SUGCT: variants seen among roughly 807,000 people sequenced by gnomAD.
The protein encoded by SUGCT is succinyl-CoA:glutarate CoA-transferase.
A neutral mutation model predicts 55.0 loss-of-function variants in SUGCT; 41 were observed. That is an observed-to-expected ratio of 0.74 (90% CI 0.58 to 0.97). SUGCT has a LOEUF of 0.97. Among genes scored for constraint, SUGCT ranks in the 50% least tolerant of loss-of-function variants. The pLI is 0.00. For synonymous variants in SUGCT, 187 were observed against 200.4 expected, an observed-to-expected ratio of 0.93 and a Z score of 0.56; for missense variants, 568 against 547.8, an observed-to-expected ratio of 1.04 and a Z score of -0.37.
chr7:40,906,748 C>T, the SUGCT span, among the ~76,000 whole-genome samples: 16 of 152,120 alleles, frequency 1.1e-4, no homozygotes, highest in African/African-American at 3.4e-4. Context: ...GTCCTGGAAC[C>T]GATATCCCAT....
intron 9 of SUGCT, among the ~76,000 whole-genome samples, chr7:40,439,063 TG>T (rs1788338379): frequency 7.1e-5 from 1 of 14,142 alleles, no homozygotes; most frequent in South Asian, 1.5e-3. Context: ...ATATATATGG[TG>T]TATATATATA....
intron 9 of SUGCT, among the ~76,000 whole-genome samples, chr7:40,353,673 A>G (rs1209324982): frequency 6.6e-6 from 1 of 152,200 alleles, no homozygotes; most frequent in Non-Finnish European, 1.5e-5. Flanking sequence ...TCTTAAAAAA[A>G]CCATATAGAT....
chr7:40,485,656 A>ATCC (rs1194896522), intron 11 of SUGCT, among the ~76,000 whole-genome samples: 1 of 151,864 alleles, frequency 6.6e-6, no homozygotes, highest in Non-Finnish European at 1.5e-5. Context: ...AGCTCAAGGG[A>ATCC]TCCTCTTGCC....
intron 12 of SUGCT, among the ~76,000 whole-genome samples, chr7:40,727,038 T>C (rs1438020683): frequency 6.6e-6 from 1 of 152,234 alleles, no homozygotes; most frequent in African/African-American, 2.4e-5. Context: ...CCATGGGCTG[T>C]CAAATAATGA....
intron 9 of SUGCT, among the ~76,000 whole-genome samples, chr7:40,355,170 C>T (rs1053263474): frequency 1.3e-5 from 2 of 152,138 alleles, no homozygotes; most frequent in Non-Finnish European, 2.9e-5. Context: ...ACTTGAAATT[C>T]CTGGATTCTT....
chr7:40,979,796 C>T, the SUGCT span: 22 of 152,002 alleles, frequency 1.4e-4, no homozygotes, highest in Middle Eastern at 3.4e-3. Context: ...AAAAATATAC[C>T]CTAAAAGAGG....
intron 12 of SUGCT, among the ~76,000 whole-genome samples, chr7:40,700,176 G>T (rs532831938): frequency 6.6e-6 from 1 of 152,236 alleles, no homozygotes; most frequent in South Asian, 2.1e-4. Flanking sequence ...CTCTTAAGAT[G>T]CTTGGAACCT....
At chr7:40,499,059 G>T in intron 12 of SUGCT, 1 of 456,526 alleles carries the variant, frequency 2.2e-6, no homozygotes, top group Non-Finnish European at 4.4e-6. Flanking sequence ...AGAGTTTCTT[G>T]GCGCTTGGTG....
chr7:40,408,100 A>ATT (rs1786479932), intron 9 of SUGCT, among the ~76,000 whole-genome samples: 1 of 152,106 alleles, frequency 6.6e-6, no homozygotes, highest in Non-Finnish European at 1.5e-5. Flanking sequence ...TTTAAAAGAC[A>ATT]GTATTGCTAG....
the SUGCT span, among the ~76,000 whole-genome samples, chr7:40,944,778 G>GA: frequency 0.89 from 135,802 of 152,088 alleles, 60,889 homozygotes; most frequent in African/African-American, 0.97. Flanking sequence ...CACAGAATTG[G>GA]AAAAAACTAC....
chr7:40,237,894 A>G (rs1789117500), intron 7 of SUGCT, among the ~76,000 whole-genome samples, 168 bp downstream of exon 7: 1 of 152,218 alleles, frequency 6.6e-6, no homozygotes, highest in Admixed American at 6.5e-5. Flanking sequence ...GGGAAAGTGA[A>G]TGCTTATGAA....
Position 40,670,929 on chromosome 7 carries a change from G to A in SUGCT, c.1090-78505G>A, listed in dbSNP as rs959434083. Among the ~76,000 whole-genome samples the A allele has an allele frequency of 7.9e-5, 12 of 152,048 alleles. 1 individual carries two copies. Among genetic ancestry groups the A allele is most frequent in the Non-Finnish European group, 1.6e-4 (11 of 68,002 alleles). ...GCACTTCCAGTTCATTTTATGAACA[G>A]ACAAGGCAGTACACAAAAGAAAGCT... is the stretch of plus-strand genomic sequence containing the variant. On this transcript the variant is annotated intron_variant, in intron 12 of 13. Coordinates refer to ENST00000335693, the MANE Select transcript of SUGCT (RefSeq NM_001193313.2).
At chr7:40,976,979 C>G in the SUGCT span, among the ~76,000 whole-genome samples, 1 of 152,116 alleles carries the variant, frequency 6.6e-6, no homozygotes, top group Non-Finnish European at 1.5e-5. Context: ...TCTGAATGAC[C>G]AATTCTGGTT....
intron 13 of SUGCT, among the ~76,000 whole-genome samples, chr7:40,814,254 A>G (rs78107670): frequency 0.015 from 2,264 of 152,220 alleles, 142 homozygotes; most frequent in East Asian, 0.096. Context: ...CTCTAGCAAG[A>G]TAAGGGAAAT....
At chr7:40,970,195 G>A in the SUGCT span, among the ~76,000 whole-genome samples, 4 of 151,806 alleles carry the variant, frequency 2.6e-5, no homozygotes, top group Admixed American at 6.6e-5. Flanking sequence ...TTTCTGAGAC[G>A]GAGTCTCGCT....
intron 13 of SUGCT, among the ~76,000 whole-genome samples, chr7:40,829,829 A>T (rs893175087): frequency 2.0e-5 from 3 of 152,018 alleles, no homozygotes; most frequent in African/African-American, 7.2e-5. Context: ...ACCCTTCCCT[A>T]GCTCCAGGGC....
At chr7:40,722,483 A>T (rs1408065138) in intron 12 of SUGCT, among the ~76,000 whole-genome samples, 1 of 152,166 alleles carries the variant, frequency 6.6e-6, no homozygotes, top group Non-Finnish European at 1.5e-5. Context: ...CAATGAGAAA[A>T]CAGTCAGTTT....
chr7:40,141,093 T>C (rs1787956782), intron 1 of SUGCT, among the ~76,000 whole-genome samples: 1 of 152,186 alleles, frequency 6.6e-6, no homozygotes, highest in African/African-American at 2.4e-5. Flanking sequence ...GGTGTTTTAT[T>C]TTTTTGTAGC....
chr7:40,844,857 G>A (rs1329748119), intron 13 of SUGCT, among the ~76,000 whole-genome samples: 1 of 152,206 alleles, frequency 6.6e-6, no homozygotes, highest in East Asian at 1.9e-4. Context: ...GTGTTTAGAA[G>A]CCAGAATCAA....
Sources: gnomAD v4.1 joint callset for allele counts (sites outside exome capture counted in the v4.1 genomes callset) on GRCh38, gnomAD v4.1.1 for gene constraint, MANE v1.5 for transcripts, NCBI Gene and HGNC (gene_info 2026-07-23, HGNC 2026-07-21) for gene names.